Variants in RCAN2 observed in about 807,000 individuals in gnomAD.
RCAN2 encodes calcipressin-2.
Under a neutral mutation model 23.6 loss-of-function variants are expected in RCAN2, and 9 were observed. The ratio of observed to expected loss-of-function variants is 0.38; its 90% confidence interval spans 0.23 to 0.67. RCAN2 has a LOEUF of 0.67. Ranked by LOEUF, RCAN2 falls within the 30% of genes least tolerant of loss-of-function variation. The pLI, the probability that RCAN2 is intolerant of heterozygous loss-of-function variation, is 0.51. For synonymous variants in RCAN2, 109 were observed against 115.7 expected (o/e 0.94, Z 0.37); for missense variants, 273 against 302.3 (o/e 0.90, Z 0.72).
chr6:46,461,584 C>CTT (rs71715310), intron 1 of RCAN2, among the ~76,000 whole-genome samples: 2 of 143,504 alleles, frequency 1.4e-5, no homozygotes, highest in African/African-American at 5.1e-5. Context: ...TCTTTTTTTT[C>CTT]TTTTTTTTTT....
At chr6:46,382,336 T>C (rs931014991) in intron 2 of RCAN2, among the ~76,000 whole-genome samples, 5 of 152,190 alleles carry the variant, frequency 3.3e-5, no homozygotes. Context: ...GAGCTCTCAA[T>C]TGAAATGTGC....
At chr6:46,451,103 T>A (rs1161176498) in intron 2 of RCAN2, among the ~76,000 whole-genome samples, 3 of 152,098 alleles carry the variant, frequency 2.0e-5, no homozygotes, top group African/African-American at 7.2e-5. Context: ...CATGAGCATC[T>A]TATGGGCAAA....
At chr6:46,479,377 AT>A (rs1301879543) in intron 1 of RCAN2, among the ~76,000 whole-genome samples, 1 of 152,214 alleles carries the variant, frequency 6.6e-6, no homozygotes, top group Non-Finnish European at 1.5e-5. Context: ...AAATCATCAA[AT>A]GCCAACTAAA....
intron 4 of RCAN2, among the ~76,000 whole-genome samples, chr6:46,239,826 G>C (rs919758486): frequency 1.3e-5 from 2 of 152,112 alleles, no homozygotes; most frequent in Non-Finnish European, 2.9e-5. Context: ...TACTAGATTG[G>C]GAATGGGGAG....
At chr6:46,293,939 CT>C (rs755500103) in intron 2 of RCAN2, among the ~76,000 whole-genome samples, 5 of 151,550 alleles carry the variant, frequency 3.3e-5, no homozygotes, top group African/African-American at 7.3e-5. Context: ...AGAACAAATA[CT>C]TTTTTTTTGA....
At chr6:46,314,795 C>T (rs115918020) in intron 2 of RCAN2, among the ~76,000 whole-genome samples, 427 of 152,026 alleles carry the variant, frequency 2.8e-3, no homozygotes, top group African/African-American at 9.8e-3. Context: ...TGGGTGTGGT[C>T]GCTGTCTGTA....
At chr6:46,366,679 C>A (rs1367795090) in intron 2 of RCAN2, among the ~76,000 whole-genome samples, 3 of 152,022 alleles carry the variant, frequency 2.0e-5, no homozygotes, top group African/African-American at 7.2e-5. Flanking sequence ...CCAGGGATGT[C>A]TGATCACCTG....
intron 2 of RCAN2, among the ~76,000 whole-genome samples, chr6:46,353,352 T>G (rs1867015): frequency 0.5 from 75,235 of 151,678 alleles, 18,941 homozygotes; most frequent in East Asian, 0.61. Flanking sequence ...TTTTTGGGTG[T>G]GGGGGAGGAG....
chr6:46,247,151 AAC>A (rs927062735), intron 3 of RCAN2, among the ~76,000 whole-genome samples: 47 of 152,268 alleles, frequency 3.1e-4, no homozygotes, highest in African/African-American at 1.1e-3. Context: ...TCCTTACTAA[AAC>A]ACAGATTGCT....
chr6:46,268,203 C>T (rs1767404191), intron 2 of RCAN2, among the ~76,000 whole-genome samples: 1 of 152,200 alleles, frequency 6.6e-6, no homozygotes, highest in Non-Finnish European at 1.5e-5. Context: ...ATTAAACAAT[C>T]ATGTCTGTCT....
intron 2 of RCAN2, among the ~76,000 whole-genome samples, chr6:46,447,964 G>A (rs1333767470): frequency 6.6e-6 from 1 of 151,432 alleles, no homozygotes; most frequent in South Asian, 2.1e-4. Flanking sequence ...TAAGCCCAAA[G>A]TTAGTAGAAT....
chr6:46,490,139 A>G (rs558278462), intron 1 of RCAN2, among the ~76,000 whole-genome samples: 2 of 152,344 alleles, frequency 1.3e-5, no homozygotes, highest in South Asian at 4.1e-4. Context: ...TTGCACTGTT[A>G]AAGTTGTCCT....
chr6:46,315,142 C>A (rs747971635), intron 2 of RCAN2, among the ~76,000 whole-genome samples: 17 of 152,188 alleles, frequency 1.1e-4, no homozygotes, highest in Admixed American at 2.6e-4. Context: ...TCTAGGCCAT[C>A]TTTTTCAAAG....
chr6:46,413,260 G>T (rs1561895505), intron 2 of RCAN2, among the ~76,000 whole-genome samples: 1 of 152,196 alleles, frequency 6.6e-6, no homozygotes, highest in African/African-American at 2.4e-5. Flanking sequence ...CAGTATGAAT[G>T]AAAATAAAAT....
intron 2 of RCAN2, among the ~76,000 whole-genome samples, chr6:46,316,630 C>G (rs1582097233): frequency 6.6e-6 from 1 of 152,224 alleles, no homozygotes; most frequent in African/African-American, 2.4e-5. Context: ...AGAGCCTAAT[C>G]TGAGGCCGTG....
At chr6:46,268,219 T>A (rs1055606440) in intron 2 of RCAN2, among the ~76,000 whole-genome samples, 1 of 152,240 alleles carries the variant, frequency 6.6e-6, no homozygotes, top group African/African-American at 2.4e-5. Flanking sequence ...TGTCTCATTT[T>A]TTTCCTCCTA....
chr6:46,341,219 A>G (rs1764309418), intron 2 of RCAN2, among the ~76,000 whole-genome samples: 1 of 152,158 alleles, frequency 6.6e-6, no homozygotes, highest in Non-Finnish European at 1.5e-5. Flanking sequence ...AAAAGATTAT[A>G]CCTGCATAAA....
chr6:46,353,866 T>C (rs1297036831), intron 2 of RCAN2, among the ~76,000 whole-genome samples: 3 of 152,230 alleles, frequency 2.0e-5, no homozygotes, highest in Non-Finnish European at 2.9e-5. Flanking sequence ...AGAAGTATCT[T>C]ACCATGTTAT....
At chr6:46,432,188 T>C (rs1767228977) in intron 2 of RCAN2, among the ~76,000 whole-genome samples, 1 of 152,080 alleles carries the variant, frequency 6.6e-6, no homozygotes, top group Admixed American at 6.6e-5. Flanking sequence ...AGCTTTAGTG[T>C]TTTGGGGGTT....
Sources: allele counts gnomAD v4.1 joint callset (sites outside exome capture counted in the v4.1 genomes callset), GRCh38; gene constraint gnomAD v4.1.1; transcripts MANE v1.5; gene names NCBI Gene and HGNC (gene_info 2026-07-23, HGNC 2026-07-21).